Variants in ATP9B observed in about 807,000 individuals in gnomAD.
ATP9B encodes probable phospholipid-transporting ATPase IIB.
Under a neutral mutation model 146.1 loss-of-function variants are expected in ATP9B, and 110 were observed. The observed-to-expected ratio is 0.75, with a 90% CI of 0.65 to 0.88. The LOEUF (loss-of-function observed/expected upper bound fraction) is 0.88, where lower values mean the gene tolerates loss of function less well. Among genes scored for constraint, ATP9B ranks in the 40% least tolerant of loss-of-function variants. ATP9B has a pLI of 0.00. For missense variants in ATP9B, 1,499 were observed against 1,496.4 expected (o/e 1.00, Z -0.03); for synonymous variants, 604 against 569.7 (o/e 1.06, Z -0.86).
At chr18:79,226,982 G>A (rs2095741710) in intron 11 of ATP9B, among the ~76,000 whole-genome samples, 1 of 152,094 alleles carries the variant, frequency 6.6e-6, no homozygotes, top group Admixed American at 6.5e-5. Flanking sequence ...ACTAGGCACT[G>A]ACTGAACACC....
chr18:79,254,638 A>G lies in ATP9B; in HGVS notation c.1268+1097A>G, dbSNP rs190052153. The G allele has an allele frequency of 1.6e-3, 239 of 152,480 alleles. 1 individual carries two copies. Among genetic ancestry groups the G allele is most frequent in the Non-Finnish European group, 3.0e-3 (201 of 68,128 alleles). 9.4% of individuals were successfully genotyped at this position (152,480 alleles called of 1,614,324 possible). The stretch of plus-strand genomic sequence containing the variant: ...TGCTGACATAGATTTTCTGCACTCC[A>G]TAAAGCTGACTGCAGAGATGGCTGT... On this transcript the variant is annotated intron_variant, in intron 12 of 29. Coordinates refer to ENST00000426216, the MANE Select transcript of ATP9B (RefSeq NM_198531.5).
chr18:79,084,020 G>A (rs535620015), intron 1 of ATP9B, among the ~76,000 whole-genome samples: 229 of 151,852 alleles, frequency 1.5e-3, no homozygotes, highest in Non-Finnish European at 2.5e-3. Context: ...CACCATGCCC[G>A]GCTAATTTTT....
chr18:79,208,819 C>T (rs958715366), intron 10 of ATP9B, among the ~76,000 whole-genome samples: 6 of 152,042 alleles, frequency 3.9e-5, no homozygotes, highest in Admixed American at 1.3e-4. Flanking sequence ...AGACAGTTTT[C>T]CATGAAGAGA....
chr18:79,347,589 C>T (rs1050718400), intron 23 of ATP9B, among the ~76,000 whole-genome samples, 181 bp from the exon 24 acceptor site: 1 of 152,242 alleles, frequency 6.6e-6, no homozygotes, highest in Non-Finnish European at 1.5e-5. Flanking sequence ...GCTGGGGGCT[C>T]TTCCTGCCCC....
At chr18:79,291,839 A>G (rs1041351191) in intron 13 of ATP9B, among the ~76,000 whole-genome samples, 1 of 152,180 alleles carries the variant, frequency 6.6e-6, no homozygotes, top group Non-Finnish European at 1.5e-5. Context: ...CTCTCACCAC[A>G]ATCTAACTTT....
At chr18:79,232,278 T>A (rs959651759) in intron 11 of ATP9B, among the ~76,000 whole-genome samples, 1 of 152,184 alleles carries the variant, frequency 6.6e-6, no homozygotes, top group Admixed American at 6.5e-5. Flanking sequence ...TGAGATTTAA[T>A]CATAAGATTG....
chr18:79,330,154 G>GT, intron 17 of ATP9B, 50 bp downstream of exon 17: 1 of 1,510,904 alleles, frequency 6.6e-7, no homozygotes, highest in Non-Finnish European at 9.2e-7. Context: ...GGAAGAGGAG[G>GT]TATGTGAGTG....
At chr18:79,197,599 A>G (rs2095428448) in intron 9 of ATP9B, among the ~76,000 whole-genome samples, 1 of 152,188 alleles carries the variant, frequency 6.6e-6, no homozygotes, top group Non-Finnish European at 1.5e-5. Context: ...TGTGATAAGT[A>G]AAGGTTGCAT....
chr18:79,287,553 C>T (rs1200889562), intron 13 of ATP9B, among the ~76,000 whole-genome samples: 1 of 151,016 alleles, frequency 6.6e-6, no homozygotes, highest in East Asian at 1.9e-4. Flanking sequence ...TTTGTTGATC[C>T]TTTCAAAAAA....
intron 7 of ATP9B, among the ~76,000 whole-genome samples, chr18:79,169,511 C>A (rs528794295): frequency 1.9e-4 from 29 of 152,268 alleles, no homozygotes; most frequent in Non-Finnish European, 2.9e-5. Flanking sequence ...CTGGACTCAG[C>A]GTTCCCACGG....
At chr18:79,092,463 T>C (rs1172844097) in intron 1 of ATP9B, among the ~76,000 whole-genome samples, 1 of 152,228 alleles carries the variant, frequency 6.6e-6, no homozygotes, top group African/African-American at 2.4e-5. Flanking sequence ...AATTAATCTT[T>C]AGCTTACTGG....
At chr18:79,327,950 T>A (rs1378560493) in intron 15 of ATP9B, among the ~76,000 whole-genome samples, 4 of 122,340 alleles carry the variant, frequency 3.3e-5, no homozygotes, top group African/African-American at 9.7e-5. Flanking sequence ...CTCTCCGTGG[T>A]TAGCGTGCTC....
At chr18:79,349,731 A>G (rs971941403) in intron 25 of ATP9B, among the ~76,000 whole-genome samples, 9 of 152,040 alleles carry the variant, frequency 5.9e-5, no homozygotes, top group African/African-American at 2.2e-4. Context: ...CGTCATCCTG[A>G]GCTGTCCAAG....
chr18:79,223,332 A>C (rs998170337), intron 11 of ATP9B, among the ~76,000 whole-genome samples: 3 of 152,174 alleles, frequency 2.0e-5, no homozygotes, highest in African/African-American at 7.2e-5. Context: ...ACAATAAAAT[A>C]ACTTATTTTT....
chr18:79,113,833 A>G (rs746807990), intron 4 of ATP9B, among the ~76,000 whole-genome samples: 25 of 152,246 alleles, frequency 1.6e-4, no homozygotes, highest in South Asian at 4.1e-4. Context: ...ATGCTTATCA[A>G]TGAATGTTTC....
chr18:79,292,017 C>T (rs902617692), intron 13 of ATP9B, among the ~76,000 whole-genome samples: 1 of 152,234 alleles, frequency 6.6e-6, no homozygotes, highest in African/African-American at 2.4e-5. Flanking sequence ...GCCTCCTTCA[C>T]TGGCATATAC....
rs200481544 is a variant in ATP9B at position 79,112,920 on chromosome 18, T to G, written c.445-321T>G. Among the ~76,000 whole-genome samples, 22 of 152,292 alleles carry G rather than the reference T, an allele frequency of 1.4e-4. No individual in the cohort carries two copies. In the East Asian group the frequency reaches 3.3e-3, roughly 23 times the overall value. On this transcript the variant is annotated intron_variant, in intron 3 of 29. Coordinates refer to ENST00000426216, the MANE Select transcript of ATP9B (RefSeq NM_198531.5). Reference sequence around the variant, plus strand: ...CTTTTTTTCATGTTCATGTAAAGACTTACTAAATGAGTATGGAAAACTGGA... The same window carrying G: ...CTTTTTTTCATGTTCATGTAAAGACGTACTAAATGAGTATGGAAAACTGGA...
chr18:79,307,939 G>A (rs2170672), intron 15 of ATP9B, among the ~76,000 whole-genome samples: 63,713 of 151,952 alleles, frequency 0.42, 13,535 homozygotes, highest in Middle Eastern at 0.56. Context: ...AGTGTCTTCC[G>A]ATACTTTGTA....
intron 15 of ATP9B, among the ~76,000 whole-genome samples, chr18:79,325,130 C>T (rs1455297530): frequency 6.6e-6 from 1 of 152,134 alleles, no homozygotes; most frequent in Non-Finnish European, 1.5e-5. Context: ...GGACACAGGT[C>T]GTTTGTGTGA....
Sources: allele counts gnomAD v4.1 joint callset (sites outside exome capture counted in the v4.1 genomes callset), GRCh38; gene constraint gnomAD v4.1.1; transcripts MANE v1.5; gene names NCBI Gene and HGNC (gene_info 2026-07-23, HGNC 2026-07-21).